Variants in EHF observed in about 807,000 individuals in gnomAD.
EHF encodes ESE3 transcription factor.
A neutral mutation model predicts 45.1 loss-of-function variants in EHF; 14 were observed. That is an observed-to-expected ratio of 0.31 (90% confidence interval 0.21 to 0.49). The LOEUF (loss-of-function observed/expected upper bound fraction) is 0.49. Among genes scored for constraint, EHF ranks in the 20% least tolerant of loss-of-function variants. EHF has a pLI of 0.99. For missense variants in EHF, 282 were observed against 371.4 expected, an observed-to-expected ratio of 0.76 and a Z score of 1.98; for synonymous variants, 136 against 131.8, an observed-to-expected ratio of 1.03 and a Z score of -0.22.
At chr11:34,646,935 A>C (rs1854608065) in intron 3 of EHF, 1 of 526,690 alleles carries the variant, frequency 1.9e-6, no homozygotes, top group Non-Finnish European at 3.3e-6. Context: ...ATTTTCAAGA[A>C]GACAAAAGCT....
At chr11:34,635,450 C>CTTTTTTTTTTTTT (rs56121359) in intron 1 of EHF, among the ~76,000 whole-genome samples, 4 of 113,246 alleles carry the variant, frequency 3.5e-5, no homozygotes, top group African/African-American at 6.5e-5. Context: ...AAACCTTATT[C>CTTTTTTTTTTTTT]TTTTTTTTTT....
At chr11:34,632,726 GGTGGGGAATGA>G (rs780341580) in intron 1 of EHF, 1 of 1,493,942 alleles carries the variant, frequency 6.7e-7, no homozygotes, top group Non-Finnish European at 9.0e-7. Flanking sequence ...CACAACAGGA[GGTGGGGAATGA>G]GCTCAGATGA....
intron 1 of EHF, among the ~76,000 whole-genome samples, chr11:34,632,191 T>A (rs1852955953): frequency 6.6e-6 from 1 of 152,224 alleles, no homozygotes; most frequent in Non-Finnish European, 1.5e-5. Flanking sequence ...ATGCCTTTCT[T>A]TGCTTTTTTC....
At chr11:34,628,231 C>T (rs935400474) in intron 1 of EHF, among the ~76,000 whole-genome samples, 30 of 152,032 alleles carry the variant, frequency 2.0e-4, no homozygotes, top group Non-Finnish European at 3.2e-4. Flanking sequence ...GAGTGAGACT[C>T]TGTCTCAAAA....
At chr11:34,642,480 C>CA (rs2134104330) in intron 1 of EHF, 148 bp from the exon 2 acceptor site, 1 of 565,072 alleles carries the variant, frequency 1.8e-6, no homozygotes. Context: ...TTTGCTTTTA[C>CA]AAAAAACGCT....
At chr11:34,644,605 G>T (rs971787939) in intron 2 of EHF, among the ~76,000 whole-genome samples, 2 of 152,198 alleles carry the variant, frequency 1.3e-5, no homozygotes, top group Non-Finnish European at 2.9e-5. Flanking sequence ...TTGACCTCCT[G>T]CTCTTAGTGC....
chr11:34,643,454 G>T (rs1854223366), intron 2 of EHF, among the ~76,000 whole-genome samples: 1 of 152,166 alleles, frequency 6.6e-6, no homozygotes. Context: ...GGAGCTCTGG[G>T]CCTCTTCTCA....
At chr11:34,656,053 TACACAC>T (rs61484102) in intron 6 of EHF, among the ~76,000 whole-genome samples, 63 of 149,514 alleles carry the variant, frequency 4.2e-4, no homozygotes, top group Middle Eastern at 6.8e-3. Flanking sequence ...GTCCTCCCAA[TACACAC>T]ACACACACAC....
Position 34,661,955 on chromosome 11 carries a change from T to C in EHF, c.*3024T>C, listed in dbSNP as rs1385954999. The stretch of plus-strand genomic sequence containing the variant: ...TGATAGATATTTGACTTGGTAAGAC[T>C]TAAGTAAGGCTCTGGCTCCCAGGGG... On this transcript the variant is annotated 3_prime_UTR_variant, in exon 9 of 9. Transcript: ENST00000257831. Among the ~76,000 whole-genome samples, 2 of 152,120 alleles carry C rather than the reference T, an allele frequency of 1.3e-5. No homozygotes were observed. The highest frequency in any genetic ancestry group is 2.4e-5 in the African/African-American group (1 of 41,430).
At chr11:34,633,307 T>C (rs562404191) in intron 1 of EHF, among the ~76,000 whole-genome samples, 5 of 152,338 alleles carry the variant, frequency 3.3e-5, no homozygotes, top group African/African-American at 1.2e-4. Context: ...ACATTGAATC[T>C]TTTGTCTCTA....
intron 1 of EHF, among the ~76,000 whole-genome samples, chr11:34,626,240 A>G (rs897312342): frequency 6.6e-6 from 1 of 152,198 alleles, no homozygotes; most frequent in Non-Finnish European, 1.5e-5. Context: ...TGTGGCTTCA[A>G]AACATTTCAG....
intron 3 of EHF, among the ~76,000 whole-genome samples, chr11:34,648,781 T>C (rs1255405616): frequency 6.6e-6 from 1 of 152,202 alleles, no homozygotes; most frequent in African/African-American, 2.4e-5. Context: ...GCCTTTACTA[T>C]ACCACATCAA....
intron 6 of EHF, among the ~76,000 whole-genome samples, chr11:34,652,126 G>A (rs997740613): frequency 1.3e-5 from 2 of 152,034 alleles, no homozygotes; most frequent in Non-Finnish European, 1.5e-5. Context: ...TTCATATTTG[G>A]GTATACTTAT....
chr11:34,644,715 G>C (rs7113384), intron 2 of EHF, among the ~76,000 whole-genome samples: 22,512 of 152,240 alleles, frequency 0.15, 1,824 homozygotes, highest in East Asian at 0.29. Flanking sequence ...TGAGGGTGTT[G>C]TGGGCTGGAC....
chr11:34,622,534 A>G (rs564558135), intron 1 of EHF: 12 of 401,670 alleles, frequency 3.0e-5, no homozygotes, highest in African/African-American at 2.3e-4. Flanking sequence ...AAAGAAGAAG[A>G]TACGTTATTA....
At chr11:34,625,892 A>C (rs370328552) in intron 1 of EHF, among the ~76,000 whole-genome samples, 1 of 151,644 alleles carries the variant, frequency 6.6e-6, no homozygotes, top group Admixed American at 6.6e-5. Context: ...TTTTTTTAGC[A>C]TCTTAGTTGT....
intron 2 of EHF, among the ~76,000 whole-genome samples, chr11:34,643,275 G>C (rs1565034844): frequency 6.6e-6 from 1 of 152,120 alleles, no homozygotes; most frequent in Non-Finnish European, 1.5e-5. Flanking sequence ...CTGGTGGTGG[G>C]GCGTATAGAG....
rs1166091784 is a variant in EHF, at chr11:34,621,106, C to T, written c.-126C>T. 1 of 152,204 alleles carries T rather than the reference C, an allele frequency of 6.6e-6. No individual in the cohort carries two copies. Among genetic ancestry groups the T allele is most frequent in the East Asian group, 1.9e-4 (1 of 5,192 alleles). The allele number at this position is 152,204 out of a possible 1,614,324, so 9.4% of individuals were successfully genotyped here. A position where few individuals can be genotyped will look rare whatever the true frequency, so the allele number is the denominator to read the frequency against. ...GCATTTATCTTCACTCTGATGAGGGCTCAGACTTGATAACACCCGTGGTGC... is the reference window on the plus strand; with the variant it reads ...GCATTTATCTTCACTCTGATGAGGGTTCAGACTTGATAACACCCGTGGTGC... On this transcript the variant is annotated 5_prime_UTR_variant, in exon 1 of 9. Coordinates refer to ENST00000257831, the MANE Select transcript of EHF (RefSeq NM_012153.6).
Position 34,661,169 on chromosome 11 carries a change from CTG to C in EHF, c.*2240_*2241del, listed in dbSNP as rs1339232000. ...ACTATGGGGCCTTCCCAGCATTTGA[CTG>C]TTCATTGCATAGAATGAATTAAATA... is the stretch of plus-strand genomic sequence containing the variant. On this transcript the variant is annotated 3_prime_UTR_variant, in exon 9 of 9. Coordinates refer to ENST00000257831, the MANE Select transcript of EHF (RefSeq NM_012153.6). The C allele has an allele frequency of 3.3e-5, 5 of 152,182 alleles. No individual in the cohort carries two copies. The highest frequency in any genetic ancestry group is 3.3e-4 in the Admixed American group (5 of 15,266). The allele number at this position is 152,182 out of a possible 1,614,324, so 9.4% of individuals were successfully genotyped here.
Sources: allele counts gnomAD v4.1 joint callset (sites outside exome capture counted in the v4.1 genomes callset), GRCh38; gene constraint gnomAD v4.1.1; transcripts MANE v1.5; gene names NCBI Gene and HGNC (gene_info 2026-07-23, HGNC 2026-07-21).